Variants in GLIS3 observed in about 807,000 individuals in gnomAD.
The protein encoded by GLIS3 is zinc finger protein GLIS3.
GLIS3 carries 53 observed loss-of-function variants against 78.6 expected under a neutral mutation model. That is an observed-to-expected ratio of 0.67 (90% confidence interval 0.54 to 0.85). The LOEUF is 0.85. Among genes scored for constraint, GLIS3 ranks in the 40% least tolerant of loss-of-function variants. The pLI, the probability that GLIS3 is intolerant of heterozygous loss-of-function variation, is 0.00. For synonymous variants in GLIS3, 684 were observed against 509.9 expected, an observed-to-expected ratio of 1.34 and a Z score of -4.60; for missense variants, 1,703 against 1,231.1, an observed-to-expected ratio of 1.38 and a Z score of -5.74.
At chr9:4,362,662 G>T in the GLIS3 span, among the ~76,000 whole-genome samples, 6 of 152,262 alleles carry the variant, frequency 3.9e-5, no homozygotes, top group East Asian at 1.2e-3. Flanking sequence ...TATTATTCTT[G>T]TGGTCAAAAA....
chr9:4,237,845 C>G (rs1435692448), intron 2 of GLIS3, among the ~76,000 whole-genome samples: 1 of 152,210 alleles, frequency 6.6e-6, no homozygotes, highest in Admixed American at 6.5e-5. Context: ...TTTCCCAGTT[C>G]TCTCCAGCTT....
intron 4 of GLIS3, among the ~76,000 whole-genome samples, chr9:4,020,508 A>T (rs1822798710): frequency 6.6e-6 from 1 of 152,138 alleles, no homozygotes; most frequent in Admixed American, 6.5e-5. Context: ...TTTGCTTAGT[A>T]TAAGAGCATG....
At chr9:4,419,250 C>G in the GLIS3 span, among the ~76,000 whole-genome samples, 3 of 152,184 alleles carry the variant, frequency 2.0e-5, no homozygotes, top group Admixed American at 2.0e-4. Flanking sequence ...CTGCTAATCT[C>G]TTTTGAACAA....
the GLIS3 span, among the ~76,000 whole-genome samples, chr9:4,375,429 C>T: frequency 3.3e-5 from 5 of 152,046 alleles, no homozygotes; most frequent in Non-Finnish European, 5.9e-5. Context: ...AAACAATTTG[C>T]GACTGTTTTA....
intron 4 of GLIS3, among the ~76,000 whole-genome samples, chr9:3,997,706 A>T (rs369556143): frequency 1.3e-3 from 191 of 152,214 alleles, no homozygotes; most frequent in Middle Eastern, 6.8e-3. Context: ...AGCATAAAGG[A>T]ACTTGTTAAC....
chr9:4,064,104 A>G (rs1826886504), intron 4 of GLIS3, among the ~76,000 whole-genome samples: 1 of 152,198 alleles, frequency 6.6e-6, no homozygotes, highest in East Asian at 1.9e-4. Context: ...GCAACATTAA[A>G]ATATAGTTTA....
chr9:4,364,756 CTTTTTTTTT>C, the GLIS3 span, among the ~76,000 whole-genome samples: 7 of 61,080 alleles, frequency 1.1e-4, no homozygotes, highest in Non-Finnish European at 1.4e-4. Flanking sequence ...TCATGTATTG[CTTTTTTTTT>C]TTTTTTTTTT....
Position 4,029,000 on chromosome 9 carries a change from G to C in GLIS3, c.1710+88768C>G, listed in dbSNP as rs186444991. Among the ~76,000 whole-genome samples the C allele has an allele frequency of 4.6e-5, 7 of 152,238 alleles. No homozygotes were observed. In the East Asian group the frequency reaches 1.4e-3, roughly 29 times the overall value. The stretch of plus-strand genomic sequence containing the variant: ...TGTCTGTGTGGTCCTTGATTGAGAA[G>C]TAGACATACTACTCCAAGATGATGA... On this transcript the variant is annotated intron_variant, in intron 4 of 10. Transcript: ENST00000381971.
chr9:4,402,001 T>C, the GLIS3 span, among the ~76,000 whole-genome samples: 1 of 152,130 alleles, frequency 6.6e-6, no homozygotes, highest in South Asian at 2.1e-4. Context: ...CTGCCAAGGT[T>C]TTTTGCTCCA....
In GLIS3 at chr9:4,279,310, A is replaced by T. The variant is rs1306712582; in HGVS notation, c.388+6728T>A. Among the ~76,000 whole-genome samples, 80 of 80,540 alleles carry T rather than the reference A, an allele frequency of 9.9e-4. 5 individuals carry two copies. Among genetic ancestry groups the T allele is most frequent in the African/African-American group, 5.4e-3 (74 of 13,578 alleles). 52.8% of individuals were successfully genotyped at this position (80,540 alleles called of 152,430 possible). On this transcript the variant is annotated intron_variant, in intron 2 of 10. Coordinates refer to ENST00000381971, the MANE Select transcript of GLIS3 (RefSeq NM_001042413.2). Reference sequence around the variant, plus strand: ...AAGACTCCATCTCAAAAAAAAAAAAAAAAAATATATATATACACACACACA... The same window carrying T: ...AAGACTCCATCTCAAAAAAAAAAAATAAAAATATATATATACACACACACA...
In GLIS3 at chr9:4,146,352, G is replaced by T. The variant is rs925957181; in HGVS notation, c.389-20411C>A. 5.3e-5 allele frequency among the ~76,000 whole-genome samples: 8 copies of T among 152,328 alleles called. No individual in the cohort carries two copies. In the East Asian group the frequency reaches 1.5e-3, roughly 29 times the overall value. On this transcript the variant is annotated intron_variant, in intron 2 of 10. Coordinates refer to ENST00000381971, the MANE Select transcript of GLIS3 (RefSeq NM_001042413.2). ...TTTATTCCTAAACAATGTGTGGCAT[G>T]TAACTCAAAACTATTTTTCATCAAT...
intron 4 of GLIS3, among the ~76,000 whole-genome samples, chr9:4,077,560 C>T (rs538676473): frequency 6.6e-6 from 1 of 152,298 alleles, no homozygotes; most frequent in East Asian, 1.9e-4. Flanking sequence ...AACAGGAAAC[C>T]CTGGGTTGGC....
At chr9:4,271,379 G>A (rs1474970521) in intron 2 of GLIS3, among the ~76,000 whole-genome samples, 3 of 152,060 alleles carry the variant, frequency 2.0e-5, no homozygotes, top group Non-Finnish European at 2.9e-5. Context: ...CTGCATGGGG[G>A]GTCAGCACCC....
intron 6 of GLIS3, among the ~76,000 whole-genome samples, chr9:3,904,976 CTTTT>C (rs751912495): frequency 7.2e-6 from 1 of 139,372 alleles, no homozygotes; most frequent in Non-Finnish European, 1.6e-5. Context: ...TCTTATGACT[CTTTT>C]TTTTTTTTTT....
chr9:4,007,011 T>C (rs1427953853), intron 4 of GLIS3, among the ~76,000 whole-genome samples: 3 of 152,180 alleles, frequency 2.0e-5, no homozygotes, highest in East Asian at 1.9e-4. Flanking sequence ...TGATGATATA[T>C]TGGTGATCTA....
At chr9:4,425,267 T>A in the GLIS3 span, among the ~76,000 whole-genome samples, 21 of 152,140 alleles carry the variant, frequency 1.4e-4, no homozygotes, top group African/African-American at 4.6e-4. Flanking sequence ...ATGCAGAGAG[T>A]CTTAATCCTA....
At chr9:4,351,753 T>C (rs532281770), upstream of GLIS3, among the ~76,000 whole-genome samples, 1 of 152,310 alleles carries the variant, frequency 6.6e-6, no homozygotes, top group Admixed American at 6.5e-5. Flanking sequence ...TGATGGGCCT[T>C]AGATTTTTAA....
chr9:4,249,211 G>A (rs1042023531), intron 2 of GLIS3, among the ~76,000 whole-genome samples: 14 of 152,258 alleles, frequency 9.2e-5, no homozygotes, highest in African/African-American at 2.2e-4. Flanking sequence ...ATTACTTTGG[G>A]TAGTATGGCC....
intron 2 of GLIS3, among the ~76,000 whole-genome samples, chr9:4,196,496 C>A (rs559580448): frequency 2.0e-5 from 3 of 152,202 alleles, no homozygotes; most frequent in Non-Finnish European, 2.9e-5. Context: ...TGAGCTGTAA[C>A]CCTCACCATA....
Sources: gnomAD v4.1 joint callset for allele counts (sites outside exome capture counted in the v4.1 genomes callset) on GRCh38, gnomAD v4.1.1 for gene constraint, MANE v1.5 for transcripts, NCBI Gene and HGNC (gene_info 2026-07-23, HGNC 2026-07-21) for gene names.